Variants in TAF11 observed in about 807,000 individuals in gnomAD.
TAF11 encodes transcription initiation factor TFIID subunit 11.
A neutral mutation model predicts 23.0 loss-of-function variants in TAF11; 10 were observed. That is an observed-to-expected ratio of 0.43 (90% CI 0.27 to 0.74). The LOEUF (loss-of-function observed/expected upper bound fraction) is 0.74, where lower values mean the gene tolerates loss of function less well. TAF11 is among the 30% of genes least tolerant of loss of function. TAF11 has a pLI of 0.19. For missense variants in TAF11, 196 were observed against 261.7 expected (o/e 0.75, Z 1.73); for synonymous variants, 85 against 95.8 (o/e 0.89, Z 0.66).
In TAF11 at chr6:34,878,385, A is replaced by T. The variant is rs1162413790; in HGVS notation, c.*205T>A. The T allele has an allele frequency of 1.1e-5, 6 of 545,166 alleles. No individual in the cohort carries two copies. The highest frequency in any genetic ancestry group is 2.0e-5 in the Non-Finnish European group (6 of 305,018). 33.8% of individuals were successfully genotyped at this position (545,166 alleles called of 1,614,324 possible). ...GTTAAATACTTCAAAATGCCCCAAG[A>T]GGTCCCAAAATTTAGTCAAGGCAAG... On this transcript the variant is annotated 3_prime_UTR_variant, in exon 5 of 5. Coordinates refer to ENST00000361288, the MANE Select transcript of TAF11 (RefSeq NM_005643.4).
chr6:34,884,645 A>C (rs1199718369), intron 1 of TAF11, among the ~76,000 whole-genome samples: 1 of 152,204 alleles, frequency 6.6e-6, no homozygotes. Flanking sequence ...CCTCTGACTT[A>C]ATGTAGAATC....
chr6:34,886,134 GAAACA>G (rs1477253807), intron 1 of TAF11, among the ~76,000 whole-genome samples: 1 of 148,334 alleles, frequency 6.7e-6, no homozygotes, highest in Admixed American at 6.7e-5. Context: ...TCTCAAAAAC[GAAACA>G]AAACAAAACA....
chr6:34,887,889 A>T lies in TAF11; in HGVS notation c.69T>A (p.Ala23=), dbSNP rs377583355. 6.2e-7 allele frequency: 1 copy of T among 1,613,974 alleles called. No individual in the cohort carries two copies. The highest frequency in any genetic ancestry group is 1.3e-5 in the African/African-American group (1 of 74,890). Residue 23 remains alanine, a synonymous_variant, in exon 1 of 5, where the codon GCT becomes GCA. Transcript: ENST00000361288. ...CGGTAGCCCCCGGGTCCCCGGGCAC[A>T]GCGGCCGTCTCATCCGACTCCCCTG... ...GETGESDETA[A]VPGDPGATDT... is the part of the protein sequence containing the mutation.
At chr6:34,881,483 T>C (rs943803265) in intron 2 of TAF11, among the ~76,000 whole-genome samples, 3 of 152,158 alleles carry the variant, frequency 2.0e-5, no homozygotes, top group Non-Finnish European at 4.4e-5. Context: ...AATCAGAAAA[T>C]GTAATAAAGC....
In TAF11 at chr6:34,882,925, G is replaced by T; in HGVS notation, c.320+7C>A. 6.3e-7 allele frequency: 1 copy of T among 1,594,052 alleles called. No individual in the cohort carries two copies. Among genetic ancestry groups the T allele is most frequent in the South Asian group, 1.2e-5 (1 of 85,418 alleles). On this transcript the variant is annotated splice_region_variant and intron_variant, in intron 2 of 4. Coordinates refer to ENST00000361288, the MANE Select transcript of TAF11 (RefSeq NM_005643.4). ...TCGAAATGGGGAATGATAAGAAAGT[G>T]ACTTACTGCATCTTCTGAATCTCAT...
intron 1 of TAF11, among the ~76,000 whole-genome samples, chr6:34,887,474 C>A (rs1317203884): frequency 6.6e-6 from 1 of 152,140 alleles, no homozygotes; most frequent in Non-Finnish European, 1.5e-5. Flanking sequence ...TCTTGCACTA[C>A]GTCTCAGTGT....
chr6:34,887,531 T>A (rs184165332), intron 1 of TAF11, among the ~76,000 whole-genome samples: 100 of 152,264 alleles, frequency 6.6e-4, no homozygotes, highest in African/African-American at 2.4e-3. Flanking sequence ...CGGGCTATTA[T>A]AACTCCCTTA....
chr6:34,883,402 A>G (rs1766479611), intron 1 of TAF11, among the ~76,000 whole-genome samples: 1 of 151,982 alleles, frequency 6.6e-6, no homozygotes, highest in Non-Finnish European at 1.5e-5. Flanking sequence ...TTCTGACCTT[A>G]TTTTTCAGAG....
In TAF11 at chr6:34,880,432, T is replaced by C; in HGVS notation, c.321-56A>G. On this transcript the variant is annotated intron_variant, in intron 2 of 4. Transcript: ENST00000361288. The surrounding 1 kb of genome is among the most constrained non-coding windows in gnomAD (Gnocchi z 4.8). The stretch of plus-strand genomic sequence containing the variant: ...TTATAAGAACGAATACTCAAGATAT[T>C]ATGAAGTCAATAAAAGTTTCAGACA... 5 of 1,531,780 alleles carry C rather than the reference T, an allele frequency of 3.3e-6. No individual in the cohort carries two copies. Among genetic ancestry groups the C allele is most frequent in the Non-Finnish European group, 4.5e-6 (5 of 1,112,956 alleles). The allele number at this position is 1,531,780 out of a possible 1,614,324, so 94.9% of individuals were successfully genotyped here. A position where few individuals can be genotyped will look rare whatever the true frequency, so the allele number is the denominator to read the frequency against.
intron 1 of TAF11, 99 bp downstream of exon 1, chr6:34,887,688 G>A (rs1766559014): frequency 6.9e-7 from 1 of 1,440,676 alleles, no homozygotes; most frequent in Non-Finnish European, 9.7e-7. Context: ...GTGAGTTCGA[G>A]TTCTCGTAAC....
chr6:34,884,499 G>C (rs185765122), intron 1 of TAF11, among the ~76,000 whole-genome samples: 9 of 152,258 alleles, frequency 5.9e-5, no homozygotes, highest in Admixed American at 5.9e-4. Context: ...TAATACCTGG[G>C]TGATGAAATA....
chr6:34,882,416 G>A (rs962555552), intron 2 of TAF11, among the ~76,000 whole-genome samples: 5 of 151,700 alleles, frequency 3.3e-5, no homozygotes, highest in African/African-American at 1.2e-4. Flanking sequence ...GGCCGAGGCG[G>A]GCAGATCACG....
At chr6:34,887,682 GT>G (rs1766558753) in intron 1 of TAF11, 104 bp downstream of exon 1, 4 of 1,389,682 alleles carry the variant, frequency 2.9e-6, no homozygotes. Flanking sequence ...ATTCTGGTGA[GT>G]TCGAGTTCTC....
Position 34,878,436 on chromosome 6 carries a change from G to A in TAF11, c.*154C>T, listed in dbSNP as rs2127431197. On this transcript the variant is annotated 3_prime_UTR_variant, in exon 5 of 5. Coordinates refer to ENST00000361288, the MANE Select transcript of TAF11 (RefSeq NM_005643.4). ...TATCAATCAGGCTACATACTTTCTA[G>A]GTGTGACAAATATCAGAGTTTTGAG... is the stretch of plus-strand genomic sequence containing the variant. 1.6e-6 allele frequency: 1 copy of A among 642,856 alleles called. No homozygotes were observed. The highest frequency in any genetic ancestry group is 4.3e-4 in the Middle Eastern group (1 of 2,338). The allele number at this position is 642,856 out of a possible 1,614,324, so 39.8% of individuals were successfully genotyped here.
chr6:34,879,470 T>A, intron 4 of TAF11: 1 of 968,016 alleles, frequency 1.0e-6, no homozygotes, highest in Non-Finnish European at 1.2e-6. Flanking sequence ...TGAGACCCTG[T>A]CTCAAAAAAT....
Position 34,878,616 on chromosome 6 carries a change from T to C in TAF11, c.610A>G (p.Lys204Glu). 2 of 1,606,598 alleles carry C rather than the reference T, an allele frequency of 1.2e-6. No individual in the cohort carries two copies. Among genetic ancestry groups the C allele is most frequent in the Non-Finnish European group, 1.7e-6 (2 of 1,173,158 alleles). ...LKSKGQIPNS[K>E]HKKIIFF ...TAGAAGAAGATGATTTTTTTGTGCT[T>C]CGAGTTAGGGATCTGTCCTTTTGAC... The change falls in exon 5 of 5, where the codon AAG becomes GAG. Residue 204 changes from lysine to glutamate, a missense_variant. Transcript: ENST00000361288.
At chr6:34,879,602 A>T (rs752384247) in intron 4 of TAF11, 16 of 984,876 alleles carry the variant, frequency 1.6e-5, no homozygotes, top group Non-Finnish European at 1.9e-5. Flanking sequence ...GTTCCTAGGG[A>T]TCACAACATT....
rs1272914210 is a variant in TAF11, at chr6:34,880,852, T to C, written c.321-476A>G. ...AATTTTTGAAAATGAACAAAGTACA[T>C]GAACAGGAAATTTACCAAAATACCA... On this transcript the variant is annotated intron_variant, in intron 2 of 4. Coordinates refer to ENST00000361288, the MANE Select transcript of TAF11 (RefSeq NM_005643.4). The surrounding 1 kb of genome is among the most constrained non-coding windows in gnomAD (Gnocchi z 4.8). Among the ~76,000 whole-genome samples, 2 of 152,140 alleles carry C rather than the reference T, an allele frequency of 1.3e-5. No individual in the cohort carries two copies. Among genetic ancestry groups the C allele is most frequent in the African/African-American group, 2.4e-5 (1 of 41,424 alleles).
intron 1 of TAF11, among the ~76,000 whole-genome samples, chr6:34,885,849 C>T (rs751260354): frequency 1.3e-5 from 2 of 152,092 alleles, no homozygotes; most frequent in Non-Finnish European, 2.9e-5. Context: ...TGGCCGGGTG[C>T]GGTGGCTCAT....
Sources: allele counts gnomAD v4.1 joint callset (sites outside exome capture counted in the v4.1 genomes callset), GRCh38; gene constraint gnomAD v4.1.1; non-coding constraint Gnocchi (gnomAD v3.1); transcripts MANE v1.5; gene names NCBI Gene and HGNC (gene_info 2026-07-23, HGNC 2026-07-21).